The following UGGT1 variants were observed in gnomAD, a reference collection of about 807,000 sequenced individuals.
The protein encoded by UGGT1 is UDP-glucose glycoprotein glucosyltransferase 1.
In UGGT1, 107 loss-of-function variants were observed where a neutral mutation model predicts 203.9. That is an observed-to-expected ratio of 0.52 (90% CI 0.45 to 0.62). The LOEUF is 0.62. Ranked by LOEUF, UGGT1 falls within the 20% of genes least tolerant of loss-of-function variation. UGGT1 has a pLI of 0.00. For missense variants in UGGT1, 1,673 were observed against 1,867.2 expected (o/e 0.90, Z 1.92); for synonymous variants, 628 against 653.5 (o/e 0.96, Z 0.59).
At chr2:128,174,744 A>G in intron 30 of UGGT1, 29 bp from the exon 31 acceptor site, 1 of 1,576,702 alleles carries the variant, frequency 6.3e-7, no homozygotes, top group South Asian at 1.1e-5. Context: ...TTTTGAAGAG[A>G]GCTAACTGGA....
Position 128,121,185 on chromosome 2 carries a change from T to G in UGGT1, c.974-14T>G, listed in dbSNP as rs745329127. On this transcript the variant is annotated splice_polypyrimidine_tract_variant and intron_variant, in intron 9 of 40. Transcript: ENST00000259253. ...AGATTAATCCACTTTTAATTATATTTGACATTGTTGCAGATCTCAGTTTCC... is the reference window on the plus strand; with the variant it reads ...AGATTAATCCACTTTTAATTATATTGGACATTGTTGCAGATCTCAGTTTCC... The G allele has an allele frequency of 1.2e-6, 2 of 1,612,970 alleles. No homozygotes were observed. The highest frequency in any genetic ancestry group is 1.7e-6 in the Non-Finnish European group (2 of 1,179,126).
chr2:128,189,757 C>G lies in UGGT1; in HGVS notation c.*15C>G, dbSNP rs746310586. 6.2e-7 allele frequency: 1 copy of G among 1,612,668 alleles called. No individual in the cohort carries two copies. The highest frequency in any genetic ancestry group is 1.1e-5 in the South Asian group (1 of 90,798). On this transcript the variant is annotated 3_prime_UTR_variant, in exon 41 of 41. Transcript: ENST00000259253. ...AAGAATTATGATCTCTGGAGAAGGACAGGAAATCACCCCATTTGAAAAACA... is the reference window on the plus strand; with the variant it reads ...AAGAATTATGATCTCTGGAGAAGGAGAGGAAATCACCCCATTTGAAAAACA...
chr2:128,139,787 G>T, intron 16 of UGGT1: 1 of 153,334 alleles, frequency 6.5e-6, no homozygotes, highest in South Asian at 2.0e-4. Context: ...GTACACATCT[G>T]AGCAGCTGCA....
At chr2:128,149,885 G>A (rs960822533) in intron 18 of UGGT1, among the ~76,000 whole-genome samples, 11 of 152,046 alleles carry the variant, frequency 7.2e-5, no homozygotes, top group African/African-American at 2.2e-4. Flanking sequence ...TCGCTTGAAC[G>A]CAGGAGGCCG....
chr2:128,171,279 A>G lies in UGGT1; in HGVS notation c.3099A>G (p.Leu1033=), dbSNP rs540130141. The change falls in exon 28 of 41, where the codon TTA becomes TTG. Residue 1033 remains leucine (L), a synonymous_variant. Coordinates refer to ENST00000259253, the MANE Select transcript of UGGT1 (RefSeq NM_020120.4). ...AATCCAAACTTTCTGACATGCCTTT[A>G]AAAAGGTAAAACATGCTATGTAAGA... ...NCQSKLSDMP[L]KSFYRYVLEP... 4.3e-6 allele frequency: 7 copies of G among 1,612,232 alleles called. No homozygotes were observed. The highest frequency in any genetic ancestry group is 5.9e-6 in the Non-Finnish European group (7 of 1,179,262).
chr2:128,167,880 A>G (rs1350449979), intron 26 of UGGT1, among the ~76,000 whole-genome samples: 2 of 152,014 alleles, frequency 1.3e-5, no homozygotes, highest in Non-Finnish European at 2.9e-5. Flanking sequence ...GTTGCTGATC[A>G]CCTAGAACAC....
rs901145404 is a variant in UGGT1, at chr2:128,152,793, C to T, written c.2026C>T (p.Pro676Ser). The change falls in exon 19 of 41, where the codon CCC becomes TCC. Residue 676 changes from proline to serine, a missense_variant. Physicochemically the swap from Pro to Ser is moderately conservative, Grantham distance 74 (BLOSUM62 -1). Transcript: ENST00000259253. Reference protein sequence around the residue: ...FQRAVYLGELPHDQDVVEYIM... With the variant: ...FQRAVYLGELSHDQDVVEYIM... ...TTTTTTTTTCTTGCAGGGTGAACTG[C>T]CCCATGATCAAGATGTGGTAGAGTA... 1 of 1,608,196 alleles carries T rather than the reference C, an allele frequency of 6.2e-7. No homozygotes were observed. Among genetic ancestry groups the T allele is most frequent in the Non-Finnish European group, 8.5e-7 (1 of 1,178,150 alleles).
intron 16 of UGGT1, among the ~76,000 whole-genome samples, chr2:128,141,148 A>G (rs1452058119): frequency 2.0e-5 from 3 of 151,994 alleles, no homozygotes; most frequent in Admixed American, 6.5e-5. Context: ...ACATGGTGAA[A>G]CCCCGTTTCT....
rs1691426367 is a variant in UGGT1 at position 128,176,955 on chromosome 2, T to C, written c.3624+57T>C. 6 of 1,534,348 alleles carry C rather than the reference T, an allele frequency of 3.9e-6. No individual in the cohort carries two copies. In the East Asian group the frequency reaches 1.1e-4, roughly 29 times the overall value. On this transcript the variant is annotated intron_variant, in intron 32 of 40. Coordinates refer to ENST00000259253, the MANE Select transcript of UGGT1 (RefSeq NM_020120.4). ...ATTGGACAGCTGTCATTTAAAAATA[T>C]GTATCTTGGAACCAGCCCAAGAGTC...
intron 13 of UGGT1, among the ~76,000 whole-genome samples, chr2:128,132,179 G>T (rs1297197088): frequency 2.0e-5 from 3 of 151,652 alleles, no homozygotes; most frequent in Non-Finnish European, 4.4e-5. Flanking sequence ...TGCCCATTTG[G>T]GTTTCCGCTG....
At chr2:128,155,058 C>A (rs1330803772) in intron 19 of UGGT1, among the ~76,000 whole-genome samples, 2 of 152,136 alleles carry the variant, frequency 1.3e-5, no homozygotes, top group African/African-American at 4.8e-5. Flanking sequence ...TTTTGTTAGA[C>A]CTGAAAAATA....
intron 2 of UGGT1, among the ~76,000 whole-genome samples, chr2:128,100,033 CTA>C (rs1558748222): frequency 3.1e-3 from 223 of 71,768 alleles, no homozygotes; most frequent in Non-Finnish European, 4.8e-3. Context: ...CCCCCCCACC[CTA>C]CTTATTTTTT....
Position 128,170,404 on chromosome 2 carries a change from G to T in UGGT1, c.3024+14G>T, listed in dbSNP as rs1345291945. 1.9e-6 allele frequency: 3 copies of T among 1,608,750 alleles called. No individual in the cohort carries two copies. The highest frequency in any genetic ancestry group is 1.3e-5 in the African/African-American group (1 of 74,816). The stretch of plus-strand genomic sequence containing the variant: ...CCTTTGCTCTTGGTAGGAACGCTGT[G>T]CAGGAAGTGTACATCACCTTTGTTT... On this transcript the variant is annotated intron_variant, in intron 27 of 40. Coordinates refer to ENST00000259253, the MANE Select transcript of UGGT1 (RefSeq NM_020120.4).
At position 128,192,124 on chromosome 2, in the gene UGGT1, T is replaced by G. The variant is rs1486757592; in HGVS notation, c.*2382T>G. On this transcript the variant is annotated 3_prime_UTR_variant, in exon 41 of 41. Transcript: ENST00000259253. ...GGGAAGACAAGAGTAGACCATATTCTCTGTGTGCTGTGCATGTCCTGGTGT... is the reference window on the plus strand; with the variant it reads ...GGGAAGACAAGAGTAGACCATATTCGCTGTGTGCTGTGCATGTCCTGGTGT... 1 of 152,224 alleles carries G rather than the reference T, an allele frequency of 6.6e-6. No homozygotes were observed. Among genetic ancestry groups the G allele is most frequent in the Non-Finnish European group, 1.5e-5 (1 of 68,066 alleles). The allele number at this position is 152,224 out of a possible 1,614,324, so 9.4% of individuals were successfully genotyped here.
chr2:128,157,174 A>G (rs75728899), intron 21 of UGGT1, 78 bp from the exon 22 acceptor site: 30,059 of 1,013,028 alleles, frequency 0.03, 603 homozygotes, highest in Non-Finnish European at 0.038. Flanking sequence ...TTATTTGGTC[A>G]ATTTCATTTT....
chr2:128,101,408 G>A (rs972316012), intron 2 of UGGT1, among the ~76,000 whole-genome samples: 2 of 152,132 alleles, frequency 1.3e-5, no homozygotes, highest in Non-Finnish European at 2.9e-5. Flanking sequence ...GTTTGTGAAG[G>A]AGTTGTAGCT....
At chr2:128,118,017 G>A (rs6430987) in intron 8 of UGGT1, among the ~76,000 whole-genome samples, 116 of 148,990 alleles carry the variant, frequency 7.8e-4, no homozygotes, top group Admixed American at 1.3e-3. Flanking sequence ...AGAGAGAGAG[G>A]GAAAGAGAGA....
chr2:128,168,870 A>G (rs1690932597), intron 26 of UGGT1, among the ~76,000 whole-genome samples: 1 of 150,148 alleles, frequency 6.7e-6, no homozygotes, highest in South Asian at 2.1e-4. Flanking sequence ...AACATGGCAA[A>G]ACACCGTCTC....
In UGGT1 at chr2:128,097,572, A is replaced by T. The variant is rs1270125561; in HGVS notation, c.194+8A>T. Reference sequence around the variant, plus strand: ...ATTGTTGTTAGAAGCCAGGTAAGAGAACATTTTTTTTCCCTTCGTGTATTT... The same window carrying T: ...ATTGTTGTTAGAAGCCAGGTAAGAGTACATTTTTTTTCCCTTCGTGTATTT... On this transcript the variant is annotated splice_region_variant and intron_variant, in intron 2 of 40. Coordinates refer to ENST00000259253, the MANE Select transcript of UGGT1 (RefSeq NM_020120.4). 6.2e-7 allele frequency: 1 copy of T among 1,613,452 alleles called. No homozygotes were observed.
Sources: allele counts gnomAD v4.1 joint callset (sites outside exome capture counted in the v4.1 genomes callset), GRCh38; gene constraint gnomAD v4.1.1; transcripts MANE v1.5; gene names NCBI Gene and HGNC (gene_info 2026-07-23, HGNC 2026-07-21).